Variants in DLEC1 observed in about 807,000 individuals in gnomAD.
DLEC1 encodes DLEC1 cilia and flagella associated protein.
In DLEC1, 146 loss-of-function variants were observed where a neutral mutation model predicts 198.1. That is an observed-to-expected ratio of 0.74 (90% CI 0.64 to 0.85). The LOEUF is 0.85. DLEC1 is among the 40% of genes least tolerant of loss of function. The pLI, the probability that DLEC1 is intolerant of heterozygous loss-of-function variation, is 0.00. For synonymous variants in DLEC1, 897 were observed against 866.8 expected, an observed-to-expected ratio of 1.03 and a Z score of -0.61; for missense variants, 2,233 against 2,220.0, an observed-to-expected ratio of 1.01 and a Z score of -0.12.
intron 2 of DLEC1, among the ~76,000 whole-genome samples, chr3:38,051,048 G>A (rs1334402766): frequency 1.3e-5 from 2 of 151,822 alleles, no homozygotes; most frequent in African/African-American, 2.4e-5. Flanking sequence ...ACCACAGACG[G>A]GCACCACCAC....
At chr3:38,080,248 A>C (rs1486864706) in intron 6 of DLEC1, among the ~76,000 whole-genome samples, 1 of 151,984 alleles carries the variant, frequency 6.6e-6, no homozygotes, top group African/African-American at 2.4e-5. Context: ...AGGTGTGAGG[A>C]GGGGAGGTGA....
intron 23 of DLEC1, among the ~76,000 whole-genome samples, chr3:38,110,843 C>T (rs1217813353): frequency 2.6e-5 from 4 of 152,076 alleles, no homozygotes; most frequent in Admixed American, 2.0e-4. Context: ...TGCATACACA[C>T]ATACACACAT....
chr3:38,114,991 C>G lies in DLEC1; in HGVS notation c.3794C>G (p.Thr1265Ser). Reference sequence around the variant, plus strand: ...AGTCTGTCCCCCTCCAGGTTCGGCACCCAGGTCTCCGGAGGAGACACAGTT... The same window carrying G: ...AGTCTGTCCCCCTCCAGGTTCGGCAGCCAGGTCTCCGGAGGAGACACAGTT... ...AQKEPAMRFG[T>S]QVSGGDTVTR... The change falls in exon 27 of 37, where the codon ACC becomes AGC. Residue 1265 changes from threonine (T) to serine (S), a missense_variant. By Grantham distance (58) the Thr-to-Ser change is moderately conservative. Coordinates refer to ENST00000308059, the MANE Select transcript of DLEC1 (RefSeq NM_007335.4). 1 of 1,613,692 alleles carries G rather than the reference C, an allele frequency of 6.2e-7. No individual in the cohort carries two copies. The highest frequency in any genetic ancestry group is 8.5e-7 in the Non-Finnish European group (1 of 1,179,782).
intron 9 of DLEC1, among the ~76,000 whole-genome samples, chr3:38,087,008 A>C (rs1305819253): frequency 2.7e-5 from 4 of 149,750 alleles, no homozygotes; most frequent in Non-Finnish European, 5.9e-5. Flanking sequence ...CGGGAGGTGG[A>C]GGTTGCAGTG....
rs756971918 is a variant in DLEC1 at position 38,085,431 on chromosome 3, G to GC, written c.1425dup (p.Val476ArgfsTer58). The GC allele has an allele frequency of 1.4e-5, 22 of 1,613,646 alleles. No individual in the cohort carries two copies. The East Asian group carries it at 1.8e-4, about 13-fold the overall frequency. ...TGATCCCCCTGCAGGCCCGGAGGCC[G>GC]CCCCCCGTGCTGACATGTGAGTGTG... On this transcript the variant is annotated frameshift_variant, in exon 8 of 37. Coordinates refer to ENST00000308059, the MANE Select transcript of DLEC1 (RefSeq NM_007335.4). LOFTEE classifies it high-confidence loss of function.
Position 38,086,228 on chromosome 3 carries a change from C to G in DLEC1, c.1436-13C>G. On this transcript the variant is annotated splice_polypyrimidine_tract_variant and intron_variant, in intron 8 of 36. Coordinates refer to ENST00000308059, the MANE Select transcript of DLEC1 (RefSeq NM_007335.4). ...CTGTTGTTTCTCTTGCACATGTTCT[C>G]CTGTGGCTACAGTGTCACCGGTGTT... 1 of 1,601,484 alleles carries G rather than the reference C, an allele frequency of 6.2e-7. No individual in the cohort carries two copies. Among genetic ancestry groups the G allele is most frequent in the South Asian group, 1.1e-5 (1 of 88,816 alleles).
At chr3:38,095,216 G>A (rs1698949257) in intron 13 of DLEC1, 145 bp downstream of exon 13, 2 of 946,944 alleles carry the variant, frequency 2.1e-6, no homozygotes, top group Admixed American at 2.5e-5. Flanking sequence ...GAGTTGGGTT[G>A]GAGTACACAC....
At chr3:38,118,304 T>A (rs1172879573) in intron 33 of DLEC1, among the ~76,000 whole-genome samples, 2 of 152,158 alleles carry the variant, frequency 1.3e-5, no homozygotes, top group African/African-American at 4.8e-5. Flanking sequence ...CCTTTCCCTC[T>A]TAGTCCCCAC....
In DLEC1 at chr3:38,114,351, C is replaced by T; in HGVS notation, c.3676C>T (p.Leu1226=). The change falls in exon 26 of 37, where the codon CTG becomes TTG. Residue 1226 remains leucine, a synonymous_variant. Transcript: ENST00000308059. ...TGGGGTGTGTTTGCAGGTGGGAGAC[C>T]TGCTGCCGGAAGTCATCCCAGTGCA... ...WDNLICTVGD[L]LPEVIPVHMA... The T allele has an allele frequency of 2.5e-6, 4 of 1,614,142 alleles. No homozygotes were observed. The highest frequency in any genetic ancestry group is 3.4e-6 in the Non-Finnish European group (4 of 1,180,004).
Position 38,097,513 on chromosome 3 carries a change from G to T in DLEC1, c.2441G>T (p.Ser814Ile), listed in dbSNP as rs370530355. ...VEPGTGVIEP[S>I]EVGDFELNFT... ...CCTTTCCCTCTCTTCTCAGAGCCCA[G>T]TGAGGTCGGGGATTTTGAGTTGAAC... The change falls in exon 17 of 37, where the codon AGT (serine) becomes ATT (isoleucine). Residue 814 changes from serine to isoleucine, a missense_variant. Physicochemically the swap from Ser to Ile is moderately radical, Grantham distance 142 (BLOSUM62 -2). Coordinates refer to ENST00000308059, the MANE Select transcript of DLEC1 (RefSeq NM_007335.4). 10 of 1,614,076 alleles carry T rather than the reference G, an allele frequency of 6.2e-6. No homozygotes were observed. The East Asian group carries it at 1.6e-4, about 25-fold the overall frequency.
intron 20 of DLEC1, 87 bp downstream of exon 20, chr3:38,107,824 C>A: frequency 6.9e-7 from 1 of 1,459,512 alleles, no homozygotes; most frequent in Non-Finnish European, 9.4e-7. Context: ...CCCAAATATC[C>A]TCACAGAACA....
intron 19 of DLEC1, chr3:38,103,702 GACT>G (rs1434386828): frequency 6.6e-6 from 1 of 152,166 alleles, no homozygotes; most frequent in Non-Finnish European, 1.5e-5. Context: ...AGATACGTAC[GACT>G]CTTCTTTTCA....
chr3:38,122,044 A>G, intron 35 of DLEC1, 27 bp from the exon 36 acceptor site: 4 of 1,611,786 alleles, frequency 2.5e-6, no homozygotes, highest in Non-Finnish European at 2.5e-6. Flanking sequence ...GCCTGCACTC[A>G]TGTGTCTTCC....
At chr3:38,072,359 G>A (rs1697366767) in intron 6 of DLEC1, among the ~76,000 whole-genome samples, 1 of 152,186 alleles carries the variant, frequency 6.6e-6, no homozygotes, top group Non-Finnish European at 1.5e-5. Flanking sequence ...AAAGTATTAG[G>A]GCGGCAGCAG....
intron 6 of DLEC1, among the ~76,000 whole-genome samples, chr3:38,083,626 T>C (rs1262902347): frequency 1.3e-5 from 2 of 152,100 alleles, no homozygotes; most frequent in Admixed American, 1.3e-4. Flanking sequence ...GGGCAGGGCA[T>C]TTTCACTTCT....
intron 9 of DLEC1, among the ~76,000 whole-genome samples, chr3:38,086,998 C>T (rs1698490958): frequency 2.7e-5 from 4 of 149,994 alleles, no homozygotes; most frequent in East Asian, 3.9e-4. Flanking sequence ...CACTTGAACC[C>T]GGGAGGTGGA....
At chr3:38,081,540 C>T (rs1404699197) in intron 6 of DLEC1, among the ~76,000 whole-genome samples, 2 of 102,928 alleles carry the variant, frequency 1.9e-5, no homozygotes, top group Non-Finnish European at 3.9e-5. Flanking sequence ...CGCCCCTCAC[C>T]TCCCGGATGG....
At chr3:38,041,678 C>T (rs1041403582) in intron 1 of DLEC1, among the ~76,000 whole-genome samples, 5 of 151,658 alleles carry the variant, frequency 3.3e-5, no homozygotes, top group African/African-American at 1.2e-4. Context: ...GAAACCCTGT[C>T]TGTACTAAAA....
intron 7 of DLEC1, among the ~76,000 whole-genome samples, 164 bp downstream of exon 7, chr3:38,084,409 T>A (rs1698265575): frequency 6.6e-6 from 1 of 151,306 alleles, no homozygotes; most frequent in Non-Finnish European, 1.5e-5. Flanking sequence ...GTAGTGGTGG[T>A]GGTAGTAGTA....
Sources: allele counts gnomAD v4.1 joint callset (sites outside exome capture counted in the v4.1 genomes callset), GRCh38; gene constraint gnomAD v4.1.1; transcripts MANE v1.5; gene names NCBI Gene and HGNC (gene_info 2026-07-23, HGNC 2026-07-21).